The following LNPK variants were observed in gnomAD, a reference collection of about 807,000 sequenced individuals.
LNPK encodes endoplasmic reticulum junction formation protein lunapark.
Under a neutral mutation model 55.2 loss-of-function variants are expected in LNPK, and 29 were observed. That is an observed-to-expected ratio of 0.53 (90% CI 0.39 to 0.72). The LOEUF is 0.72. Ranked by LOEUF, LNPK falls within the 30% of genes least tolerant of loss-of-function variation. The probability of loss-of-function intolerance (pLI) is 0.00; values close to 1 mark genes in which losing one functional copy is unlikely to be tolerated. For synonymous variants in LNPK, 162 were observed against 168.2 expected, an observed-to-expected ratio of 0.96 and a Z score of 0.29; for missense variants, 467 against 494.8, an observed-to-expected ratio of 0.94 and a Z score of 0.53.
intron 8 of LNPK, among the ~76,000 whole-genome samples, chr2:175,956,977 G>C (rs1685726547): frequency 6.6e-6 from 1 of 152,084 alleles, no homozygotes; most frequent in Admixed American, 6.6e-5. Flanking sequence ...GTAGCCTTTA[G>C]AGTCCCCTGG....
chr2:175,968,106 C>G (rs1238138204), intron 6 of LNPK, among the ~76,000 whole-genome samples: 3 of 152,030 alleles, frequency 2.0e-5, no homozygotes, highest in Admixed American at 2.0e-4. Context: ...TAGATTGTAC[C>G]ACTTCTCTAT....
chr2:175,951,413 T>G (rs1172985487), intron 8 of LNPK, among the ~76,000 whole-genome samples: 1 of 151,772 alleles, frequency 6.6e-6, no homozygotes, highest in Non-Finnish European at 1.5e-5. Flanking sequence ...TGTGTCATTC[T>G]TATGCCTTTG....
Position 175,937,960 on chromosome 2 carries a change from A to T in LNPK, c.883+353T>A, listed in dbSNP as rs867879686. The T allele has an allele frequency of 3.2e-5, 6 of 184,850 alleles. No homozygotes were observed. In the Middle Eastern group the frequency reaches 6.8e-3, roughly 209 times the overall value. The allele number at this position is 184,850 out of a possible 1,614,324, so 11.5% of individuals were successfully genotyped here. On this transcript the variant is annotated intron_variant, in intron 11 of 12. Coordinates refer to ENST00000272748, the MANE Select transcript of LNPK (RefSeq NM_030650.3). ...CAGTAGTTTTTAATAGTGGCTACAC[A>T]TGAGAATCATCTGCAGAGCTTTAAA...
chr2:175,994,244 C>CA, intron 2 of LNPK: 1 of 969,506 alleles, frequency 1.0e-6, no homozygotes, highest in Middle Eastern at 5.3e-4. Flanking sequence ...TTGCTAAGTC[C>CA]AAGCAGTTGA....
chr2:175,959,147 G>A (rs1432938815), intron 8 of LNPK, among the ~76,000 whole-genome samples: 1 of 152,160 alleles, frequency 6.6e-6, no homozygotes, highest in Admixed American at 6.5e-5. Context: ...CACTCTTCAG[G>A]ATATTATCCA....
At chr2:175,981,643 G>T (rs146890599) in intron 4 of LNPK, among the ~76,000 whole-genome samples, 13 of 152,178 alleles carry the variant, frequency 8.5e-5, no homozygotes, top group Non-Finnish European at 1.6e-4. Flanking sequence ...ACAGAATGAA[G>T]AAAGTCAGGG....
intron 1 of LNPK, among the ~76,000 whole-genome samples, chr2:175,999,852 G>A (rs1326625608): frequency 5.3e-5 from 8 of 152,132 alleles, no homozygotes; most frequent in East Asian, 1.9e-4. Context: ...TGCAACCACC[G>A]CCTCCTGGGT....
intron 1 of LNPK, among the ~76,000 whole-genome samples, chr2:176,001,719 C>G (rs1688166801): frequency 6.6e-6 from 1 of 152,132 alleles, no homozygotes; most frequent in South Asian, 2.1e-4. Context: ...GAAAGAGAAG[C>G]GGAGAGAACG....
chr2:175,942,583 C>G (rs986876145), intron 9 of LNPK, among the ~76,000 whole-genome samples: 2 of 151,458 alleles, frequency 1.3e-5, no homozygotes, highest in African/African-American at 4.9e-5. Flanking sequence ...ATTTGAATAA[C>G]CCAGGATTCA....
At chr2:175,969,996 G>C (rs756310662) in intron 6 of LNPK, among the ~76,000 whole-genome samples, 2 of 151,948 alleles carry the variant, frequency 1.3e-5, no homozygotes, top group African/African-American at 4.8e-5. Flanking sequence ...TTACATACTA[G>C]ACTAAAATAT....
intron 2 of LNPK, among the ~76,000 whole-genome samples, chr2:175,994,534 T>C (rs914833473): frequency 1.3e-5 from 2 of 152,186 alleles, no homozygotes; most frequent in African/African-American, 4.8e-5. Flanking sequence ...TTTTTTTTCT[T>C]TTTCTTGAGA....
At chr2:175,957,961 ACAGCAGTCCG>A (rs1340241712) in intron 8 of LNPK, among the ~76,000 whole-genome samples, 3 of 152,198 alleles carry the variant, frequency 2.0e-5, no homozygotes, top group Non-Finnish European at 4.4e-5. Flanking sequence ...CACTGCTGGC[ACAGCAGTCCG>A]AGATCCAACT....
At chr2:175,969,970 TC>T (rs1686575736) in intron 6 of LNPK, among the ~76,000 whole-genome samples, 1 of 152,116 alleles carries the variant, frequency 6.6e-6, no homozygotes, top group African/African-American at 2.4e-5. Flanking sequence ...AATATTGGTT[TC>T]TTAATTATTA....
chr2:175,954,222 G>A (rs979604895), intron 8 of LNPK, among the ~76,000 whole-genome samples: 1 of 152,148 alleles, frequency 6.6e-6, no homozygotes, highest in Non-Finnish European at 1.5e-5. Flanking sequence ...TGTGGGAAAG[G>A]TAACTGGTAC....
At chr2:175,939,150 A>G (rs187900468) in intron 10 of LNPK, among the ~76,000 whole-genome samples, 62 of 152,268 alleles carry the variant, frequency 4.1e-4, no homozygotes, top group African/African-American at 1.4e-3. Context: ...GAATAATTGG[A>G]AAAGCATTTT....
chr2:175,985,197 G>A (rs1266434256), intron 4 of LNPK, among the ~76,000 whole-genome samples: 3 of 152,174 alleles, frequency 2.0e-5, no homozygotes, highest in South Asian at 2.1e-4. Context: ...TTAGGAATGC[G>A]GAAAGTGGAG....
chr2:175,993,135 C>T lies in LNPK; in HGVS notation c.69+47G>A, dbSNP rs183344210. On this transcript the variant is annotated intron_variant, in intron 3 of 12. Transcript: ENST00000272748. ...ATAATATATACTACAATAATATTTA[C>T]TTAATACCTAAAATGAATTAAAATA... The T allele has an allele frequency of 6.0e-4, 710 of 1,175,382 alleles. 5 individuals are homozygous for T. The African/African-American group carries it at 8.0e-3, about 13-fold the overall frequency. 72.8% of individuals were successfully genotyped at this position (1,175,382 alleles called of 1,614,324 possible).
At chr2:175,944,585 T>A (rs1011250945) in intron 9 of LNPK, among the ~76,000 whole-genome samples, 1 of 152,116 alleles carries the variant, frequency 6.6e-6, no homozygotes, top group East Asian at 1.9e-4. Context: ...CAAGACAGAA[T>A]GAACATGATA....
chr2:175,953,811 CTT>C (rs970224521), intron 8 of LNPK, among the ~76,000 whole-genome samples: 6 of 149,962 alleles, frequency 4.0e-5, no homozygotes, highest in Non-Finnish European at 5.9e-5. Context: ...AAAATGCTAA[CTT>C]GATGTAAAAT....
Sources: gnomAD v4.1 joint callset for allele counts (sites outside exome capture counted in the v4.1 genomes callset) on GRCh38, gnomAD v4.1.1 for gene constraint, MANE v1.5 for transcripts, NCBI Gene and HGNC (gene_info 2026-07-23, HGNC 2026-07-21) for gene names.